Variants in XIRP2 observed in about 807,000 individuals in gnomAD.
XIRP2 encodes xin actin-binding repeat-containing protein 2.
In XIRP2, 236 loss-of-function variants were observed where a neutral mutation model predicts 277.0. The ratio of observed to expected loss-of-function variants is 0.85; its 90% CI spans 0.77 to 0.95. The LOEUF (loss-of-function observed/expected upper bound fraction) is 0.95, where lower values mean the gene tolerates loss of function less well. Among genes scored for constraint, XIRP2 ranks in the 40% least tolerant of loss-of-function variants. The pLI is 0.00. For missense variants in XIRP2, 4,640 were observed against 4,157.5 expected, an observed-to-expected ratio of 1.12 and a Z score of -3.19; for synonymous variants, 1,490 against 1,416.5, an observed-to-expected ratio of 1.05 and a Z score of -1.17.
rs80297571 is a variant in XIRP2, at chr2:166,942,526, G to T, written c.408+38636G>T. 2.6e-5 allele frequency among the ~76,000 whole-genome samples: 4 copies of T among 152,244 alleles called. No individual in the cohort carries two copies. The East Asian group carries it at 7.7e-4, about 29-fold the overall frequency. ...AGTGGCAGTGCCAGACTTCAAATTA[G>T]CCACCAAGTCCAAGACTGTATGTTA... On this transcript the variant is annotated intron_variant, in intron 2 of 10. Transcript: ENST00000409195.
intron 2 of XIRP2, among the ~76,000 whole-genome samples, chr2:167,061,361 T>C (rs1339617981): frequency 6.6e-6 from 1 of 152,156 alleles, no homozygotes; most frequent in African/African-American, 2.4e-5. Context: ...GCCTTATTGC[T>C]TTCATTTAGA....
chr2:166,897,224 C>T (rs1191008931), intron 1 of XIRP2, among the ~76,000 whole-genome samples: 1 of 152,184 alleles, frequency 6.6e-6, no homozygotes, highest in Non-Finnish European at 1.5e-5. Flanking sequence ...GCTTCTTAAA[C>T]TTATTTTTCC....
intron 3 of XIRP2, among the ~76,000 whole-genome samples, chr2:167,153,749 T>C (rs1020905567): frequency 4.0e-5 from 6 of 151,778 alleles, no homozygotes; most frequent in African/African-American, 7.3e-5. Context: ...CATCATTTTT[T>C]ATGGCTGCAT....
chr2:167,083,315 G>A (rs1475862287), intron 2 of XIRP2, among the ~76,000 whole-genome samples: 3 of 152,116 alleles, frequency 2.0e-5, no homozygotes, highest in African/African-American at 7.2e-5. Flanking sequence ...CTCTGTTTTG[G>A]TACCAGTACC....
At chr2:167,123,780 C>A (rs1433267804) in intron 2 of XIRP2, 1 of 152,088 alleles carries the variant, frequency 6.6e-6, no homozygotes, top group Non-Finnish European at 1.5e-5. Flanking sequence ...ACTGGCCATC[C>A]TAATGGCCTC....
rs777516828 is a variant in XIRP2, at chr2:167,248,421, C to A, written c.7029C>A (p.Gly2343=). Residue 2343 remains glycine, a synonymous_variant, in exon 9 of 11, where the codon GGC becomes GGA. Transcript: ENST00000409195. ...AGGCTGAATTTGAAAGTTTTCCAGG[C>A]CTCCCTCTTCCTCCACCTCCAGTAG... ...KIKAEFESFP[G]LPLPPPPVDE... is the part of the protein sequence containing the mutation. 8 of 1,613,548 alleles carry A rather than the reference C, an allele frequency of 5.0e-6. No homozygotes were observed. The highest frequency in any genetic ancestry group is 1.1e-5 in the South Asian group (1 of 91,054).
intron 5 of XIRP2, among the ~76,000 whole-genome samples, chr2:167,234,974 A>G (rs1694858897): frequency 6.6e-6 from 1 of 151,860 alleles, no homozygotes; most frequent in African/African-American, 2.4e-5. Flanking sequence ...ACAACATAGA[A>G]ACGAGTTTGT....
chr2:167,037,146 T>G (rs576868852), intron 2 of XIRP2, among the ~76,000 whole-genome samples: 2 of 152,218 alleles, frequency 1.3e-5, no homozygotes, highest in Admixed American at 1.3e-4. Flanking sequence ...TGGACACATC[T>G]CCCAGACAGA....
intron 2 of XIRP2, among the ~76,000 whole-genome samples, chr2:167,049,319 T>G (rs1688861930): frequency 6.6e-6 from 1 of 151,966 alleles, no homozygotes; most frequent in Admixed American, 6.6e-5. Flanking sequence ...ATTTTGTCCA[T>G]ATTTAGTTTA....
chr2:166,896,003 T>C (rs1165181232), intron 1 of XIRP2, among the ~76,000 whole-genome samples: 1 of 152,164 alleles, frequency 6.6e-6, no homozygotes, highest in East Asian at 1.9e-4. Context: ...ATGTCTTTAA[T>C]GGAAGACTGC....
At chr2:167,019,975 T>G (rs1421829671) in intron 2 of XIRP2, among the ~76,000 whole-genome samples, 1 of 152,000 alleles carries the variant, frequency 6.6e-6, no homozygotes, top group African/African-American at 2.4e-5. Flanking sequence ...TCCAGCAAGG[T>G]TATAGTATGG....
Position 167,246,056 on chromosome 2 carries a change from C to A in XIRP2, c.4664C>A (p.Thr1555Asn). The change falls in exon 9 of 11, where the codon ACC becomes AAC. Residue 1555 changes from threonine (T) to asparagine (N), a missense_variant. Physicochemically the swap from Thr to Asn is moderately conservative, Grantham distance 65. Coordinates refer to ENST00000409195, the MANE Select transcript of XIRP2 (RefSeq NM_152381.6). ...ATTATTGGCAAGAGCATTAAAGAAA[C>A]CTTAGAAGATCTCTACTCTCAAAAA... ...IEIIGKSIKE[T>N]LEDLYSQKVI... 1 of 1,613,526 alleles carries A rather than the reference C, an allele frequency of 6.2e-7. No homozygotes were observed. Among genetic ancestry groups the A allele is most frequent in the Non-Finnish European group, 8.5e-7 (1 of 1,179,766 alleles).
At chr2:167,153,413 T>G (rs1692079438) in intron 3 of XIRP2, among the ~76,000 whole-genome samples, 1 of 152,118 alleles carries the variant, frequency 6.6e-6, no homozygotes, top group Non-Finnish European at 1.5e-5. Flanking sequence ...TTTTTTTATT[T>G]TATTGTTATT....
Position 167,043,474 on chromosome 2 carries a change from G to T in XIRP2, c.409-92435G>T, listed in dbSNP as rs551516097. Among the ~76,000 whole-genome samples, 92 of 152,024 alleles carry T rather than the reference G, an allele frequency of 6.1e-4. 1 individual carries two copies. Among genetic ancestry groups the T allele is most frequent in the African/African-American group, 2.1e-3 (89 of 41,514 alleles). ...AGACTAATAAAGAAAAAACAGAGAA[G>T]ATTCAAATAAACACATTCAGAAATG... On this transcript the variant is annotated intron_variant, in intron 2 of 10. Transcript: ENST00000409195.
At position 167,251,788 on chromosome 2, in the gene XIRP2, A is replaced by G; in HGVS notation, c.10396A>G (p.Ile3466Val). Residue 3466 changes from isoleucine to valine, a missense_variant, in exon 9 of 11, where the codon ATT becomes GTT. Transcript: ENST00000409195. ...CTATGAGGATGTCATTGCTGGACAT[A>G]TTTTAGATATCTCTGATTCACCTAA... is the stretch of plus-strand genomic sequence containing the variant. ...PTYEDVIAGH[I>V]LDISDSPKEV... 8.7e-6 allele frequency: 14 copies of G among 1,613,374 alleles called. No homozygotes were observed. Among genetic ancestry groups the G allele is most frequent in the Non-Finnish European group, 1.2e-5 (14 of 1,179,574 alleles).
chr2:166,945,716 G>A (rs1685844484), intron 2 of XIRP2, among the ~76,000 whole-genome samples: 1 of 137,308 alleles, frequency 7.3e-6, no homozygotes, highest in African/African-American at 2.8e-5. Context: ...TTGTTGCCCA[G>A]GCTGGAGTGC....
intron 2 of XIRP2, among the ~76,000 whole-genome samples, chr2:167,011,703 G>T (rs1574160682): frequency 6.6e-6 from 1 of 151,242 alleles, no homozygotes; most frequent in African/African-American, 2.4e-5. Context: ...ATCTGGTCCT[G>T]GACTCTTTTT....
intron 2 of XIRP2, among the ~76,000 whole-genome samples, chr2:167,086,254 A>T (rs1172589902): frequency 1.3e-5 from 2 of 152,098 alleles, no homozygotes; most frequent in Non-Finnish European, 1.5e-5. Context: ...TTTCTTTAAG[A>T]ATGTTGGATA....
chr2:166,985,697 G>A (rs1265278641), intron 2 of XIRP2, among the ~76,000 whole-genome samples: 4 of 151,986 alleles, frequency 2.6e-5, no homozygotes, highest in Non-Finnish European at 4.4e-5. Context: ...CCAGAGTGCT[G>A]GGATTACAGG....
Sources: gnomAD v4.1 joint callset for allele counts (sites outside exome capture counted in the v4.1 genomes callset) on GRCh38, gnomAD v4.1.1 for gene constraint, MANE v1.5 for transcripts, NCBI Gene and HGNC (gene_info 2026-07-23, HGNC 2026-07-21) for gene names.